The following ZNF100 variants were observed in gnomAD, a reference collection of about 807,000 sequenced individuals.
ZNF100 encodes the protein zinc finger protein 100 (Y1).
In ZNF100, 12 loss-of-function variants were observed where a neutral mutation model predicts 15.8. The ratio of observed to expected loss-of-function variants is 0.76; its 90% confidence interval spans 0.49 to 1.23. The LOEUF is 1.23. Among genes scored for constraint, ZNF100 ranks in the 50% most tolerant of loss-of-function variants. The pLI is 0.00. For missense variants in ZNF100, 670 were observed against 635.6 expected, an observed-to-expected ratio of 1.05 and a Z score of -0.58; for synonymous variants, 226 against 214.8, an observed-to-expected ratio of 1.05 and a Z score of -0.45.
chr19:21,723,508 G>A lies in ZNF100; in HGVS notation c.*3175C>T, dbSNP rs1212618406. 1 of 152,036 alleles carries A rather than the reference G, an allele frequency of 6.6e-6. No homozygotes were observed. Among genetic ancestry groups the A allele is most frequent in the Non-Finnish European group, 1.5e-5 (1 of 68,008 alleles). The allele number at this position is 152,036 out of a possible 1,614,324, so 9.4% of individuals were successfully genotyped here. A position where few individuals can be genotyped will look rare whatever the true frequency, so the allele number is the denominator to read the frequency against. On this transcript the variant is annotated 3_prime_UTR_variant, in exon 5 of 5. Transcript: ENST00000358296. ...TGGGCTGTGCTGCATACATAGCTGG[G>A]GATACACATAATAAATACAGAGAAA... is the stretch of plus-strand genomic sequence containing the variant.
chr19:21,751,678 T>G (rs1337025150), intron 2 of ZNF100: 2 of 1,268,996 alleles, frequency 1.6e-6, no homozygotes, highest in Admixed American at 1.9e-5. Context: ...TTTCGGAGCT[T>G]CTTCAGTTTA....
At chr19:21,752,152 A>T in intron 2 of ZNF100, 1 of 160,178 alleles carries the variant, frequency 6.2e-6, no homozygotes, top group East Asian at 1.8e-4. Flanking sequence ...CACCAAAACC[A>T]CTCCAAAGTG....
At chr19:21,762,686 G>C (rs988002152) in intron 2 of ZNF100, among the ~76,000 whole-genome samples, 3 of 152,106 alleles carry the variant, frequency 2.0e-5, no homozygotes, top group African/African-American at 7.2e-5. Flanking sequence ...TTAGGATTAA[G>C]GGTTTCCTTG....
chr19:21,762,622 C>G (rs898434110), intron 2 of ZNF100, among the ~76,000 whole-genome samples: 1 of 152,158 alleles, frequency 6.6e-6, no homozygotes, highest in Non-Finnish European at 1.5e-5. Flanking sequence ...ATATCATCAC[C>G]TCTATTCAGC....
chr19:21,747,149 A>G (rs1293909631), intron 2 of ZNF100, among the ~76,000 whole-genome samples: 1 of 152,176 alleles, frequency 6.6e-6, no homozygotes, highest in Non-Finnish European at 1.5e-5. Context: ...CATATGGGCC[A>G]CACTGCCCTG....
chr19:21,767,331 G>C, intron 1 of ZNF100, 96 bp downstream of exon 1: 1 of 1,596,848 alleles, frequency 6.3e-7, no homozygotes, highest in Non-Finnish European at 8.6e-7. Flanking sequence ...TTGTGAAGCT[G>C]ACTGCGGAGA....
In ZNF100 at chr19:21,726,401, C is replaced by G. The variant is rs2035785881; in HGVS notation, c.*282G>C. On this transcript the variant is annotated 3_prime_UTR_variant, in exon 5 of 5. Transcript: ENST00000358296. ...CAGTATAACTTACCTTACCTACAAT[C>G]AAGTGTGACAACCATTTAAAACTTT... is the stretch of plus-strand genomic sequence containing the variant. The G allele has an allele frequency of 2.7e-6, 1 of 366,954 alleles. No homozygotes were observed. Among genetic ancestry groups the G allele is most frequent in the Non-Finnish European group, 4.9e-6 (1 of 204,994 alleles). 22.7% of individuals were successfully genotyped at this position (366,954 alleles called of 1,614,324 possible). A position where few individuals can be genotyped will look rare whatever the true frequency, so the allele number is the denominator to read the frequency against.
At chr19:21,750,730 T>C in intron 2 of ZNF100, 1 of 305,870 alleles carries the variant, frequency 3.3e-6, no homozygotes, top group African/African-American at 2.2e-5. Flanking sequence ...AGGAGGCACC[T>C]GCTTGCGCGG....
rs1195865716 is a variant in ZNF100, at chr19:21,751,440, G to C, written c.97-6373C>G. On this transcript the variant is annotated intron_variant, in intron 2 of 4. Coordinates refer to ENST00000358296, the MANE Select transcript of ZNF100 (RefSeq NM_173531.4). ...TACAGATTTGTTCATACTCTTTTTA[G>C]TGCTGCACAGCTAACAGCTGAATGT... 7.1e-6 allele frequency: 6 copies of C among 840,944 alleles called. No homozygotes were observed. The East Asian group carries it at 1.4e-4, about 20-fold the overall frequency. The allele number at this position is 840,944 out of a possible 1,614,324, so 52.1% of individuals were successfully genotyped here.
chr19:21,767,106 C>CA (rs1429426270), intron 1 of ZNF100, among the ~76,000 whole-genome samples: 2 of 152,224 alleles, frequency 1.3e-5, no homozygotes, highest in African/African-American at 4.8e-5. Context: ...TGAACCCGCA[C>CA]CCCGAGTCAG....
chr19:21,743,003 G>A (rs2036144803), intron 4 of ZNF100: 1 of 152,172 alleles, frequency 6.6e-6, no homozygotes, highest in African/African-American at 2.4e-5. Context: ...GCCGGGGCAG[G>A]CAGATCAAGA....
chr19:21,742,893 G>A (rs2036142590), intron 4 of ZNF100, among the ~76,000 whole-genome samples: 1 of 151,974 alleles, frequency 6.6e-6, no homozygotes, highest in Non-Finnish European at 1.5e-5. Flanking sequence ...AAATTTCTGA[G>A]AGGAAATTTA....
chr19:21,742,205 G>A (rs1201552489), intron 4 of ZNF100, among the ~76,000 whole-genome samples: 3 of 151,244 alleles, frequency 2.0e-5, no homozygotes, highest in African/African-American at 4.9e-5. Flanking sequence ...GCTGAGGCAG[G>A]AGAATTGCTT....
chr19:21,732,978 C>T (rs949991523), intron 4 of ZNF100, among the ~76,000 whole-genome samples: 30 of 152,140 alleles, frequency 2.0e-4, no homozygotes, highest in African/African-American at 7.0e-4. Flanking sequence ...TGTAATTCTA[C>T]AGCTTTAGGA....
chr19:21,732,043 G>A (rs889844559), intron 4 of ZNF100, among the ~76,000 whole-genome samples: 3 of 152,142 alleles, frequency 2.0e-5, no homozygotes, highest in East Asian at 1.9e-4. Context: ...ACAAGGTCAG[G>A]AGTTCGAGAC....
chr19:21,767,511 C>T lies in ZNF100; in HGVS notation c.-82G>A. On this transcript the variant is annotated 5_prime_UTR_variant, in exon 1 of 5. Coordinates refer to ENST00000358296, the MANE Select transcript of ZNF100 (RefSeq NM_173531.4). ...GTCAGAGGGCCACACAGGCTAGGCC[C>T]CTAGGAGCAGAAGACACAGAGAAGT... The T allele has an allele frequency of 6.3e-7, 1 of 1,594,882 alleles. No individual in the cohort carries two copies. The highest frequency in any genetic ancestry group is 1.1e-5 in the South Asian group (1 of 90,074).
chr19:21,760,795 C>T (rs1454875539), intron 2 of ZNF100, among the ~76,000 whole-genome samples: 1 of 134,760 alleles, frequency 7.4e-6, no homozygotes, highest in Non-Finnish European at 1.5e-5. Flanking sequence ...CTCACTCTGT[C>T]GCCCAGGCTG....
rs540273639 is a variant in ZNF100 at position 21,727,737 on chromosome 19, G to A, written c.575C>T (p.Ser192Leu). The A allele has an allele frequency of 3.7e-6, 6 of 1,613,790 alleles. No homozygotes were observed. In the Admixed American group the frequency reaches 8.3e-5, roughly 22 times the overall value. ...SAKVFHTFSN[S>L]NRHKIRHTRK... ...AGTATGTCTTATCTTATGTCTGTTT[G>A]AATTTGAAAATGTATGAAAGACTTT... The change falls in exon 5 of 5, where the codon TCA becomes TTA. Residue 192 changes from serine (S) to leucine (L), a missense_variant. Coordinates refer to ENST00000358296, the MANE Select transcript of ZNF100 (RefSeq NM_173531.4).
At chr19:21,729,503 G>C (rs2035875249) in intron 4 of ZNF100, among the ~76,000 whole-genome samples, 1 of 151,766 alleles carries the variant, frequency 6.6e-6, no homozygotes, top group Non-Finnish European at 1.5e-5. Flanking sequence ...CACCAACATG[G>C]CACATGTATA....
Sources: gnomAD v4.1 joint callset for allele counts (sites outside exome capture counted in the v4.1 genomes callset) on GRCh38, gnomAD v4.1.1 for gene constraint, MANE v1.5 for transcripts, NCBI Gene and HGNC (gene_info 2026-07-23, HGNC 2026-07-21) for gene names.